Variants in TAF4B observed in about 807,000 individuals in gnomAD.
TAF4B encodes TATA-box binding protein associated factor 4b.
TAF4B carries 38 observed loss-of-function variants against 86.4 expected under a neutral mutation model. The observed-to-expected ratio is 0.44, with a 90% CI of 0.34 to 0.58. The LOEUF (loss-of-function observed/expected upper bound fraction) is 0.58, where lower values mean the gene tolerates loss of function less well. TAF4B is among the 20% of genes least tolerant of loss of function. The pLI is 0.02. For missense variants in TAF4B, 988 were observed against 1,027.6 expected, an observed-to-expected ratio of 0.96 and a Z score of 0.53; for synonymous variants, 388 against 391.2, an observed-to-expected ratio of 0.99 and a Z score of 0.10.
At chr18:26,272,396 G>A (rs1294700823) in intron 3 of TAF4B, among the ~76,000 whole-genome samples, 2 of 152,008 alleles carry the variant, frequency 1.3e-5, no homozygotes, top group South Asian at 2.1e-4. Context: ...ACCTATACCC[G>A]CCCGCGGCAC....
At position 26,390,042 on chromosome 18, in the gene TAF4B, TATTTACTGCCAAAG is replaced by T. The variant is rs769676239; in HGVS notation, c.*32_*45del. The stretch of plus-strand genomic sequence containing the variant: ...TCCACTCTTCCATCCAGATCCTTGC[TATTTACTGCCAAAG>T]AAGACACAAAGCATTGTTGCACTGT... On this transcript the variant is annotated 3_prime_UTR_variant, in exon 15 of 15. Coordinates refer to ENST00000269142, the MANE Select transcript of TAF4B (RefSeq NM_005640.3). 5.0e-5 allele frequency: 80 copies of T among 1,595,184 alleles called. 1 individual carries two copies. The highest frequency in any genetic ancestry group is 6.7e-5 in the Non-Finnish European group (78 of 1,171,278).
chr18:26,329,859 C>T (rs1156973053), intron 12 of TAF4B, among the ~76,000 whole-genome samples: 2 of 152,108 alleles, frequency 1.3e-5, no homozygotes. Context: ...GACTAGAGTG[C>T]AGTGGTGTGA....
chr18:26,292,927 A>G (rs1013513369), intron 8 of TAF4B, among the ~76,000 whole-genome samples: 3 of 138,376 alleles, frequency 2.2e-5, no homozygotes, highest in African/African-American at 7.3e-5. Flanking sequence ...ATTTGATAAA[A>G]CAACCTATTA....
intron 6 of TAF4B, among the ~76,000 whole-genome samples, chr18:26,283,229 T>C (rs1202940737): frequency 6.6e-6 from 1 of 152,188 alleles, no homozygotes; most frequent in East Asian, 1.9e-4. Flanking sequence ...GGAATCACTG[T>C]CTATGGCAGC....
At chr18:26,245,494 C>A (rs1192976640) in intron 1 of TAF4B, among the ~76,000 whole-genome samples, 1 of 152,184 alleles carries the variant, frequency 6.6e-6, no homozygotes, top group East Asian at 1.9e-4. Flanking sequence ...TTATTGGCCC[C>A]TCCCATGTTC....
intron 6 of TAF4B, 49 bp downstream of exon 6, chr18:26,282,109 AAAAT>A (rs1568125764): frequency 2.2e-6 from 3 of 1,371,302 alleles, no homozygotes; most frequent in Non-Finnish European, 3.1e-6. Flanking sequence ...AGATTACTCT[AAAAT>A]AATTAAAAAT....
At chr18:26,274,463 A>G (rs1311162138) in intron 3 of TAF4B, among the ~76,000 whole-genome samples, 200 bp from the exon 4 acceptor site, 2 of 152,166 alleles carry the variant, frequency 1.3e-5, no homozygotes, top group East Asian at 3.8e-4. Flanking sequence ...GGTGGTAATG[A>G]AATAGTAGAT....
intron 5 of TAF4B, 149 bp downstream of exon 5, chr18:26,275,202 C>G (rs2056369930): frequency 1.1e-6 from 1 of 898,318 alleles, no homozygotes; most frequent in Non-Finnish European, 1.5e-6. Context: ...GTTGCCCAAG[C>G]TGGAGTGCAG....
intron 8 of TAF4B, among the ~76,000 whole-genome samples, 172 bp downstream of exon 8, chr18:26,292,553 G>A (rs1403244362): frequency 6.6e-6 from 1 of 152,176 alleles, no homozygotes; most frequent in Non-Finnish European, 1.5e-5. Context: ...ACGGAGTCTT[G>A]CTCTGATGCC....
chr18:26,317,098 C>T (rs2056920668), intron 10 of TAF4B, among the ~76,000 whole-genome samples: 1 of 147,694 alleles, frequency 6.8e-6, no homozygotes, highest in South Asian at 2.2e-4. Flanking sequence ...GGCACGATCT[C>T]GGCTCACTAT....
intron 1 of TAF4B, among the ~76,000 whole-genome samples, chr18:26,241,779 G>T (rs963636636): frequency 6.6e-6 from 1 of 152,188 alleles, no homozygotes; most frequent in African/African-American, 2.4e-5. Flanking sequence ...ATTCTGGTAT[G>T]TTGTGTCTTT....
chr18:26,234,824 T>C (rs567023964), intron 1 of TAF4B, among the ~76,000 whole-genome samples: 3 of 152,328 alleles, frequency 2.0e-5, no homozygotes, highest in Admixed American at 2.0e-4. Context: ...GAGTAGCGCC[T>C]GGTATCTAAG....
rs569557533 is a variant in TAF4B at position 26,327,235 on chromosome 18, T to A, written c.2259+95T>A. On this transcript the variant is annotated intron_variant, in intron 12 of 14. Coordinates refer to ENST00000269142, the MANE Select transcript of TAF4B (RefSeq NM_005640.3). ...TGACTGTCTTGGTTTTATTAGGCCT[T>A]TAGATTTCTCCAGAGGATTTCCTAA... 2.8e-6 allele frequency: 4 copies of A among 1,447,402 alleles called. No homozygotes were observed. The East Asian group carries it at 9.4e-5, about 34-fold the overall frequency. The allele number at this position is 1,447,402 out of a possible 1,614,324, so 89.7% of individuals were successfully genotyped here.
rs544889669 is a variant in TAF4B, at chr18:26,293,209, ACTAT to A, written c.1727-213_1727-210del. ...TATTTTTATAATACTGCTAACATAG[ACTAT>A]CTAAAAAGAAATGGAAAGATTCTTA... On this transcript the variant is annotated intron_variant, in intron 8 of 14. Transcript: ENST00000269142. Among the ~76,000 whole-genome samples, 311 of 152,300 alleles carry A rather than the reference ACTAT, an allele frequency of 2.0e-3. 1 individual carries two copies. Among genetic ancestry groups the A allele is most frequent in the African/African-American group, 7.3e-3 (302 of 41,574 alleles).
chr18:26,278,817 A>G (rs1183513174), intron 5 of TAF4B, among the ~76,000 whole-genome samples: 1 of 152,068 alleles, frequency 6.6e-6, no homozygotes, highest in Non-Finnish European at 1.5e-5. Context: ...ATACCCCTGA[A>G]ATGCTTAATA....
intron 10 of TAF4B, among the ~76,000 whole-genome samples, chr18:26,318,497 C>A: frequency 6.6e-6 from 1 of 151,976 alleles, no homozygotes; most frequent in East Asian, 1.9e-4. Flanking sequence ...TACAAATTTA[C>A]CCAAAGATTT....
chr18:26,321,965 A>T (rs1166517596), intron 11 of TAF4B, among the ~76,000 whole-genome samples: 1 of 152,182 alleles, frequency 6.6e-6, no homozygotes, highest in Non-Finnish European at 1.5e-5. Context: ...GAACCAAATG[A>T]CTTGCTGTTA....
At chr18:26,353,856 A>G (rs564735418) in intron 13 of TAF4B, among the ~76,000 whole-genome samples, 1 of 152,334 alleles carries the variant, frequency 6.6e-6, no homozygotes, top group East Asian at 1.9e-4. Flanking sequence ...ATTTTGATGC[A>G]GTCCAATTTG....
intron 5 of TAF4B, among the ~76,000 whole-genome samples, chr18:26,281,124 A>G (rs2056443779): frequency 6.6e-6 from 1 of 152,180 alleles, no homozygotes; most frequent in African/African-American, 2.4e-5. Context: ...GGAACAATAG[A>G]CACTGGGAAC....
Sources: gnomAD v4.1 joint callset for allele counts (sites outside exome capture counted in the v4.1 genomes callset) on GRCh38, gnomAD v4.1.1 for gene constraint, MANE v1.5 for transcripts, NCBI Gene and HGNC (gene_info 2026-07-23, HGNC 2026-07-21) for gene names.